Variants in CCDC102B observed in about 807,000 individuals in gnomAD.
CCDC102B encodes the protein coiled-coil domain-containing protein 102B.
In CCDC102B, 75 loss-of-function variants were observed where a neutral mutation model predicts 57.4. The observed-to-expected ratio is 1.31, with a 90% CI of 1.08 to 1.58. CCDC102B has a LOEUF of 1.58. Among genes scored for constraint, CCDC102B ranks in the 40% most tolerant of loss-of-function variants. The pLI, the probability that CCDC102B is intolerant of heterozygous loss-of-function variation, is 0.00. For synonymous variants in CCDC102B, 206 were observed against 201.9 expected (o/e 1.02, Z -0.17); for missense variants, 636 against 582.6 (o/e 1.09, Z -0.94).
chr18:68,789,020 G>T (rs1276604501), intron 2 of CCDC102B, among the ~76,000 whole-genome samples: 1 of 152,094 alleles, frequency 6.6e-6, no homozygotes, highest in East Asian at 1.9e-4. Flanking sequence ...TTTAGGGCAG[G>T]CCTGGTGTTG....
chr18:68,873,533 A>G (rs2039316235), intron 4 of CCDC102B, among the ~76,000 whole-genome samples: 1 of 152,098 alleles, frequency 6.6e-6, no homozygotes, highest in Non-Finnish European at 1.5e-5. Context: ...ATCTTTGTGA[A>G]TTTAGAAAAG....
rs538108789 is a variant in CCDC102B at position 69,049,300 on chromosome 18, C to A, written c.1435-4730C>A. ...GTGAGAACATGTGGTATTTGGTTTT[C>A]TGTTCCTGTGTTAGTTTGCTGAGAA... On this transcript the variant is annotated intron_variant, in intron 7 of 7. Coordinates refer to ENST00000360242, the MANE Select transcript of CCDC102B (RefSeq NM_024781.3). 9.5e-4 allele frequency among the ~76,000 whole-genome samples: 145 copies of A among 152,194 alleles called. 2 individuals carry two copies. The highest frequency in any genetic ancestry group is 1.8e-3 in the Non-Finnish European group (120 of 68,004).
chr18:68,862,814 G>T (rs1434685527), intron 4 of CCDC102B, among the ~76,000 whole-genome samples: 1 of 151,964 alleles, frequency 6.6e-6, no homozygotes, highest in African/African-American at 2.4e-5. Flanking sequence ...GAAAACTTTG[G>T]CTATATACAA....
At chr18:68,747,835 G>C (rs1028495982) in intron 2 of CCDC102B, among the ~76,000 whole-genome samples, 2 of 152,154 alleles carry the variant, frequency 1.3e-5, no homozygotes, top group Non-Finnish European at 2.9e-5. Context: ...TGGGAGTTCA[G>C]ATGTCTCTTT....
At chr18:68,891,669 G>A (rs1195305881) in intron 5 of CCDC102B, among the ~76,000 whole-genome samples, 5 of 152,154 alleles carry the variant, frequency 3.3e-5, no homozygotes, top group African/African-American at 4.8e-5. Context: ...TCTCTTTTCT[G>A]GGCTTGTAGA....
chr18:68,845,811 T>C (rs1175309773), intron 3 of CCDC102B, among the ~76,000 whole-genome samples: 1 of 151,846 alleles, frequency 6.6e-6, no homozygotes, highest in East Asian at 1.9e-4. Flanking sequence ...AATTTCTTTA[T>C]TACAATCAAA....
chr18:68,897,607 C>T, intron 6 of CCDC102B, 179 bp downstream of exon 6: 1 of 1,550,662 alleles, frequency 6.4e-7, no homozygotes, highest in Non-Finnish European at 8.7e-7. Context: ...GCATCTGAAA[C>T]AAAGTGTGTC....
intron 4 of CCDC102B, among the ~76,000 whole-genome samples, chr18:68,849,226 T>C (rs2038012606): frequency 6.6e-5 from 10 of 152,058 alleles, no homozygotes; most frequent in Admixed American, 6.6e-4. Flanking sequence ...CCTTATCTTT[T>C]TAAAACATAT....
chr18:68,922,121 CAGA>C (rs929123069), intron 6 of CCDC102B, among the ~76,000 whole-genome samples: 2 of 152,122 alleles, frequency 1.3e-5, no homozygotes, highest in South Asian at 2.1e-4. Flanking sequence ...AATAAGCCCC[CAGA>C]AGAAGTAGTG....
At chr18:68,974,679 A>G (rs1176495042) in intron 6 of CCDC102B, among the ~76,000 whole-genome samples, 1 of 151,984 alleles carries the variant, frequency 6.6e-6, no homozygotes, top group Non-Finnish European at 1.5e-5. Flanking sequence ...TAAAAGCATT[A>G]TTTGAAATGT....
intron 1 of CCDC102B, among the ~76,000 whole-genome samples, chr18:68,820,908 T>C (rs928657401): frequency 2.0e-5 from 3 of 152,178 alleles, no homozygotes; most frequent in African/African-American, 7.2e-5. Flanking sequence ...GTACCAGTGC[T>C]CAGAGATTAC....
intron 2 of CCDC102B, among the ~76,000 whole-genome samples, chr18:68,780,319 T>G (rs2034964986): frequency 6.6e-6 from 1 of 152,134 alleles, no homozygotes; most frequent in Non-Finnish European, 1.5e-5. Context: ...TATAAACATT[T>G]GTGTACAAGT....
At chr18:68,750,377 C>T (rs1034724512) in intron 2 of CCDC102B, among the ~76,000 whole-genome samples, 2 of 152,172 alleles carry the variant, frequency 1.3e-5, no homozygotes, top group Non-Finnish European at 2.9e-5. Context: ...TTGTAGAAGA[C>T]AGTGTGGCGA....
chr18:68,766,576 C>T (rs2034477549), intron 2 of CCDC102B, among the ~76,000 whole-genome samples: 2 of 152,186 alleles, frequency 1.3e-5, no homozygotes, highest in African/African-American at 2.4e-5. Context: ...TAATAAGGCA[C>T]TGTGTTTCAA....
intron 6 of CCDC102B, among the ~76,000 whole-genome samples, chr18:68,980,413 C>A (rs918405580): frequency 1.3e-5 from 2 of 149,644 alleles, no homozygotes; most frequent in African/African-American, 5.0e-5. Context: ...AAAAAAAATT[C>A]TATATACAGA....
chr18:68,858,280 T>C (rs2038574806), intron 4 of CCDC102B, among the ~76,000 whole-genome samples: 1 of 152,210 alleles, frequency 6.6e-6, no homozygotes. Context: ...GATTCATCAT[T>C]GATGTGCACA....
downstream of CCDC102B, among the ~76,000 whole-genome samples, chr18:69,057,971 G>A (rs778038201): frequency 7.9e-5 from 12 of 151,906 alleles, no homozygotes; most frequent in African/African-American, 1.9e-4. Context: ...GCTAAAGGTC[G>A]TTTTCCAACC....
At chr18:68,844,794 A>G (rs2037785677) in intron 3 of CCDC102B, among the ~76,000 whole-genome samples, 2 of 151,896 alleles carry the variant, frequency 1.3e-5, no homozygotes, top group Non-Finnish European at 2.9e-5. Flanking sequence ...AACAAAAATT[A>G]TATCATTATA....
intron 6 of CCDC102B, among the ~76,000 whole-genome samples, chr18:68,957,274 T>C (rs541712099): frequency 6.6e-6 from 1 of 152,206 alleles, no homozygotes; most frequent in South Asian, 2.1e-4. Flanking sequence ...TATATTTACG[T>C]CTTTAATGTT....
Sources: allele counts gnomAD v4.1 joint callset (sites outside exome capture counted in the v4.1 genomes callset), GRCh38; gene constraint gnomAD v4.1.1; transcripts MANE v1.5; gene names NCBI Gene and HGNC (gene_info 2026-07-23, HGNC 2026-07-21).